The following RFX2 variants were observed in gnomAD, a reference collection of about 807,000 sequenced individuals.
RFX2 encodes regulatory factor X2, also known as DNA-binding protein RFX2.
RFX2 carries 20 observed loss-of-function variants against 87.8 expected under a neutral mutation model. The observed-to-expected ratio is 0.23, with a 90% CI of 0.16 to 0.33. The LOEUF (loss-of-function observed/expected upper bound fraction) is 0.33, where lower values mean the gene tolerates loss of function less well. RFX2 is among the 10% of genes least tolerant of loss of function. RFX2 has a pLI of 1.00. For missense variants in RFX2, 767 were observed against 1,012.3 expected, an observed-to-expected ratio of 0.76 and a Z score of 3.29; for synonymous variants, 397 against 431.3, an observed-to-expected ratio of 0.92 and a Z score of 0.98.
At chr19:6,088,211 C>CTTTT (rs1030226963) in intron 1 of RFX2, among the ~76,000 whole-genome samples, 69 of 84,398 alleles carry the variant, frequency 8.2e-4, no homozygotes, top group African/African-American at 1.8e-3. Context: ...GGCACTACAG[C>CTTTT]TTTTTTTTTT....
Position 6,096,725 on chromosome 19 carries a change from C to T in RFX2, c.-9+13668G>A, listed in dbSNP as rs180901811. On this transcript the variant is annotated intron_variant, in intron 1 of 17. Transcript: ENST00000303657. ...CCTCCCAAAGTGCTGGGATTACAGG[C>T]GTAAGGCACTGCACCTGGCCTCGTT... 8.5e-5 allele frequency among the ~76,000 whole-genome samples: 13 copies of T among 152,294 alleles called. No homozygotes were observed. In the East Asian group the frequency reaches 2.5e-3, roughly 29 times the overall value.
In RFX2 at chr19:5,995,610, G is replaced by T. The variant is rs1051684540; in HGVS notation, c.2047C>A (p.Leu683Ile). Residue 683 changes from leucine (L) to isoleucine (I), a missense_variant, in exon 17 of 18, where the codon CTC (leucine) becomes ATC (isoleucine). By Grantham distance (5) the Leu-to-Ile change is conservative. Coordinates refer to ENST00000303657, the MANE Select transcript of RFX2 (RefSeq NM_000635.4). The stretch of plus-strand genomic sequence containing the variant: ...CCGCAGACGCACCTACCTTTGTCGA[G>T]CAGCGTCAGCGACAGAGAGGCGAGA... ...NDLASLSLTLLDKDDMGDEQR... is the reference protein window; with the variant it reads ...NDLASLSLTLIDKDDMGDEQR... 9.0e-6 allele frequency: 14 copies of T among 1,552,366 alleles called. No individual in the cohort carries two copies. The highest frequency in any genetic ancestry group is 1.1e-5 in the Non-Finnish European group (13 of 1,147,492).
At chr19:6,086,536 A>G (rs967594067) in intron 1 of RFX2, among the ~76,000 whole-genome samples, 1 of 152,236 alleles carries the variant, frequency 6.6e-6, no homozygotes, top group Non-Finnish European at 1.5e-5. Flanking sequence ...GATCACTTGT[A>G]TATGTGGTCT....
At chr19:6,072,491 C>A (rs1273414524) in intron 1 of RFX2, among the ~76,000 whole-genome samples, 1 of 152,134 alleles carries the variant, frequency 6.6e-6, no homozygotes, top group Non-Finnish European at 1.5e-5. Flanking sequence ...TTGCCTGAGG[C>A]CAGGAGTTTG....
chr19:6,034,726 G>C (rs1039683666), intron 5 of RFX2, among the ~76,000 whole-genome samples: 2 of 152,168 alleles, frequency 1.3e-5, no homozygotes, highest in Non-Finnish European at 2.9e-5. Context: ...TGTGACTCCT[G>C]ATTCTGTCAT....
chr19:6,001,804 G>C lies in RFX2; in HGVS notation c.1859+11C>G, dbSNP rs2086493181. 1.3e-6 allele frequency: 2 copies of C among 1,587,572 alleles called. No homozygotes were observed. The highest frequency in any genetic ancestry group is 1.7e-6 in the Non-Finnish European group (2 of 1,164,124). On this transcript the variant is annotated intron_variant, in intron 15 of 17. Transcript: ENST00000303657. This position sits in a 1 kb window ranked among gnomAD's most constrained non-coding sequence, Gnocchi z 5.6. The stretch of plus-strand genomic sequence containing the variant: ...CCGCCAGAATTCTCTCGGAGGTCTG[G>C]TGGGACTAACCTGTAAAAGGACCAT...
Position 6,024,421 on chromosome 19 carries a change from G to A in RFX2, c.597+1742C>T, listed in dbSNP as rs1388939932. On this transcript the variant is annotated intron_variant, in intron 6 of 17. Transcript: ENST00000303657. The surrounding 1 kb of genome is among the most constrained non-coding windows in gnomAD (Gnocchi z 5.0). ...CCATGTCCTACCCAGCCTGGAGAGG[G>A]GCGGGGCACTGAGCAGGGGTCTGGC... Among the ~76,000 whole-genome samples the A allele has an allele frequency of 1.3e-5, 2 of 152,200 alleles. No homozygotes were observed. Among genetic ancestry groups the A allele is most frequent in the Non-Finnish European group, 2.9e-5 (2 of 68,036 alleles).
In RFX2 at chr19:6,022,397, T is replaced by C. The variant is rs890405597; in HGVS notation, c.597+3766A>G. On this transcript the variant is annotated intron_variant, in intron 6 of 17. Coordinates refer to ENST00000303657, the MANE Select transcript of RFX2 (RefSeq NM_000635.4). The surrounding 1 kb of genome is among the most constrained non-coding windows in gnomAD (Gnocchi z 6.2). Reference sequence around the variant, plus strand: ...AAAGCAAAAAGTCACATAACCCAAATACGACTCTTCCACACGCAGCTCTCT... The same window carrying C: ...AAAGCAAAAAGTCACATAACCCAAACACGACTCTTCCACACGCAGCTCTCT... Among the ~76,000 whole-genome samples the C allele has an allele frequency of 2.6e-5, 4 of 152,206 alleles. No homozygotes were observed. Among genetic ancestry groups the C allele is most frequent in the African/African-American group, 9.7e-5 (4 of 41,450 alleles).
In RFX2 at chr19:5,998,217, A is replaced by G. The variant is rs1177605820; in HGVS notation, c.1860-1004T>C. On this transcript the variant is annotated intron_variant, in intron 15 of 17. Transcript: ENST00000303657. This position sits in a 1 kb window ranked among gnomAD's most constrained non-coding sequence, Gnocchi z 4.2. ...CAGCTACTCGGGAGGCTAAGGCAGG[A>G]AAATTGCTTGAACCTGGGAGGCGGA... Among the ~76,000 whole-genome samples the G allele has an allele frequency of 6.6e-6, 1 of 152,186 alleles. No homozygotes were observed. The highest frequency in any genetic ancestry group is 1.9e-4 in the East Asian group (1 of 5,196).
At position 5,995,764 on chromosome 19, in the gene RFX2, TG is replaced by T. The variant is rs1276480866; in HGVS notation, c.2014-122del. The T allele has an allele frequency of 5.8e-6, 5 of 869,252 alleles. No individual in the cohort carries two copies. In the East Asian group the frequency reaches 8.0e-5, roughly 14 times the overall value. 53.8% of individuals were successfully genotyped at this position (869,252 alleles called of 1,614,324 possible). On this transcript the variant is annotated intron_variant, in intron 16 of 17. Coordinates refer to ENST00000303657, the MANE Select transcript of RFX2 (RefSeq NM_000635.4). ...CGTCCTCCATTCACAGTGAAGCAGCTGGGGCCTGCCCTGAAATGTGGCTCTG... is the reference window on the plus strand; with the variant it reads ...CGTCCTCCATTCACAGTGAAGCAGCTGGGCCTGCCCTGAAATGTGGCTCTG...
At chr19:6,000,712 A>C (rs2086479608) in intron 15 of RFX2, among the ~76,000 whole-genome samples, 1 of 152,252 alleles carries the variant, frequency 6.6e-6, no homozygotes, top group African/African-American at 2.4e-5. Flanking sequence ...CTCCCCAGCC[A>C]GGTGGAACTG....
intron 1 of RFX2, among the ~76,000 whole-genome samples, chr19:6,092,952 G>GT (rs1250248869): frequency 6.6e-6 from 1 of 150,972 alleles, no homozygotes; most frequent in South Asian, 2.1e-4. Context: ...CACGCATGTG[G>GT]TAAAAAAAAG....
At chr19:6,078,988 C>A (rs1287211830) in intron 1 of RFX2, among the ~76,000 whole-genome samples, 1 of 152,200 alleles carries the variant, frequency 6.6e-6, no homozygotes, top group African/African-American at 2.4e-5. Context: ...GTTGGCCAGG[C>A]TGGTCTCGAA....
chr19:6,098,054 A>T (rs549118745), intron 1 of RFX2, among the ~76,000 whole-genome samples: 1 of 152,300 alleles, frequency 6.6e-6, no homozygotes, highest in South Asian at 2.1e-4. Flanking sequence ...ACAAGAATCA[A>T]AAATGTTATC....
rs905225141 is a variant in RFX2 at position 6,026,045 on chromosome 19, A to C, written c.597+118T>G. The C allele has an allele frequency of 2.4e-6, 2 of 828,210 alleles. No individual in the cohort carries two copies. Among genetic ancestry groups the C allele is most frequent in the Non-Finnish European group, 4.0e-6 (2 of 503,354 alleles). The allele number at this position is 828,210 out of a possible 1,614,324, so 51.3% of individuals were successfully genotyped here. A position where few individuals can be genotyped will look rare whatever the true frequency, so the allele number is the denominator to read the frequency against. On this transcript the variant is annotated intron_variant, in intron 6 of 17. Transcript: ENST00000303657. This position sits in a 1 kb window ranked among gnomAD's most constrained non-coding sequence, Gnocchi z 4.5. The stretch of plus-strand genomic sequence containing the variant: ...AGTGATCCACCCGCCTTGGCCTCCC[A>C]AAGTGCTGGGATTACAGGTGTGAGC...
chr19:6,081,035 CAAAAAAA>C (rs537462734), intron 1 of RFX2, among the ~76,000 whole-genome samples: 1 of 89,708 alleles, frequency 1.1e-5, no homozygotes, highest in Admixed American at 1.3e-4. Context: ...GACTCCATCT[CAAAAAAA>C]AAAAAAAAAA....
intron 1 of RFX2, among the ~76,000 whole-genome samples, chr19:6,089,987 T>C (rs956541517): frequency 6.6e-6 from 1 of 152,098 alleles, no homozygotes; most frequent in African/African-American, 2.4e-5. Context: ...TTGAGACAGG[T>C]TCTCGCTTTT....
intron 15 of RFX2, among the ~76,000 whole-genome samples, chr19:6,000,367 C>T (rs939151521): frequency 6.6e-6 from 1 of 152,218 alleles, no homozygotes; most frequent in Non-Finnish European, 1.5e-5. Flanking sequence ...TTTGCATTGA[C>T]AGCTGTAGCT....
At chr19:6,103,309 AAAAAT>A (rs1249280107) in intron 1 of RFX2, among the ~76,000 whole-genome samples, 1 of 152,192 alleles carries the variant, frequency 6.6e-6, no homozygotes, top group Admixed American at 6.5e-5. Flanking sequence ...CACAAACATT[AAAAAT>A]AAGAATAAGG....
Sources: allele counts gnomAD v4.1 joint callset (sites outside exome capture counted in the v4.1 genomes callset), GRCh38; gene constraint gnomAD v4.1.1; non-coding constraint Gnocchi (gnomAD v3.1); transcripts MANE v1.5; gene names NCBI Gene and HGNC (gene_info 2026-07-23, HGNC 2026-07-21).